The following RPGRIP1L variants were observed in gnomAD, a reference collection of about 807,000 sequenced individuals.
The protein encoded by RPGRIP1L is RPGRIP1 like.
In RPGRIP1L, 131 loss-of-function variants were observed where a neutral mutation model predicts 160.4. The observed-to-expected ratio is 0.82, with a 90% CI of 0.71 to 0.94. The LOEUF is 0.94. RPGRIP1L is among the 40% of genes least tolerant of loss of function. The pLI is 0.00. For missense variants in RPGRIP1L, 1,522 were observed against 1,535.8 expected (o/e 0.99, Z 0.15); for synonymous variants, 510 against 515.8 (o/e 0.99, Z 0.15).
chr16:53,652,783 T>C lies in RPGRIP1L; in HGVS notation c.1904A>G (p.Tyr635Cys), dbSNP rs770013793. ...CTGTAGTTCAAAATCATAGAAAGCA[T>C]AGGTACAGAAAGTGACAGGCTCTTT... Reference protein sequence around the residue: ...GDKEPVTFCTYAFYDFELQTT... With the variant: ...GDKEPVTFCTCAFYDFELQTT... The change falls in exon 15 of 27, where the codon TAT becomes TGT. Residue 635 changes from tyrosine to cysteine, a missense_variant. Tyr to Cys is a radical substitution (Grantham distance 194). Coordinates refer to ENST00000647211, the MANE Select transcript of RPGRIP1L (RefSeq NM_015272.5). The C allele has an allele frequency of 2.5e-5, 41 of 1,614,016 alleles. No individual in the cohort carries two copies. The highest frequency in any genetic ancestry group is 1.6e-4 in the Middle Eastern group (1 of 6,084).
Position 53,658,430 on chromosome 16 carries a change from G to A in RPGRIP1L, c.1385C>T (p.Ala462Val), listed in dbSNP as rs761080809. 1.2e-6 allele frequency: 2 copies of A among 1,611,270 alleles called. No individual in the cohort carries two copies. The highest frequency in any genetic ancestry group is 1.1e-5 in the South Asian group (1 of 90,988). Residue 462 changes from alanine to valine, a missense_variant, in exon 12 of 27, where the codon GCT becomes GTT. By Grantham distance (64) the Ala-to-Val change is moderately conservative. Coordinates refer to ENST00000647211, the MANE Select transcript of RPGRIP1L (RefSeq NM_015272.5). ...NDINADELSEALLLIKAQKEQ... is the reference protein window; with the variant it reads ...NDINADELSEVLLLIKAQKEQ... ...GAACCTTACCTTTATAAGTAGGAGA[G>A]CTTCACTCAATTCATCAGCATTAAT...
intron 9 of RPGRIP1L, among the ~76,000 whole-genome samples, chr16:53,670,860 T>C (rs1410357831): frequency 1.3e-5 from 2 of 152,116 alleles, no homozygotes; most frequent in Admixed American, 1.3e-4. Context: ...TTTCGGAGGC[T>C]GAGGCAGGAG....
In RPGRIP1L at chr16:53,602,036, A is replaced by T. The variant is rs369779812; in HGVS notation, c.*40T>A. The T allele has an allele frequency of 8.7e-7, 1 of 1,155,456 alleles. No individual in the cohort carries two copies. The allele number at this position is 1,155,456 out of a possible 1,614,324, so 71.6% of individuals were successfully genotyped here. On this transcript the variant is annotated 3_prime_UTR_variant, in exon 27 of 27. Transcript: ENST00000647211. ...CTCATGTAGGAACTTTCATGTGAGC[A>T]TTTACTGAGGAGTAGGAGATGCCTC...
intron 3 of RPGRIP1L, chr16:53,695,431 C>T (rs746012942): frequency 5.7e-6 from 4 of 702,934 alleles, no homozygotes; most frequent in South Asian, 4.4e-5. Flanking sequence ...TTTCATTCTT[C>T]AATGGTTGTC....
At chr16:53,678,135 T>A (rs1969325065) in intron 6 of RPGRIP1L, among the ~76,000 whole-genome samples, 2 of 148,936 alleles carry the variant, frequency 1.3e-5, no homozygotes, top group African/African-American at 2.4e-5. Context: ...CTTTTCTCTT[T>A]CCTTTTTTTT....
chr16:53,611,148 A>G (rs1018591711), intron 24 of RPGRIP1L, 97 bp from the exon 25 acceptor site: 19 of 874,416 alleles, frequency 2.2e-5, no homozygotes, highest in South Asian at 1.7e-4. Flanking sequence ...GTTTTTAAAG[A>G]CACAAGTCAT....
intron 2 of RPGRIP1L, among the ~76,000 whole-genome samples, chr16:53,697,631 C>T (rs9708361): frequency 0.048 from 7,282 of 152,294 alleles, 273 homozygotes; most frequent in African/African-American, 0.1. Context: ...CTGGAGGTGC[C>T]GGGATTGCAG....
chr16:53,636,438 C>T lies in RPGRIP1L; in HGVS notation c.3294+1G>A. 1.2e-6 allele frequency: 2 copies of T among 1,604,116 alleles called. No homozygotes were observed. Among genetic ancestry groups the T allele is most frequent in the Non-Finnish European group, 1.7e-6 (2 of 1,171,200 alleles). On this transcript the variant is annotated splice_donor_variant, in intron 22 of 26. Coordinates refer to ENST00000647211, the MANE Select transcript of RPGRIP1L (RefSeq NM_015272.5). LOFTEE classifies it high-confidence loss of function. ...TTTCTAGTTGGCATCAAGTTACTGACCTGTTTGATATTCTTGGAGATAGGA... is the reference window on the plus strand; with the variant it reads ...TTTCTAGTTGGCATCAAGTTACTGATCTGTTTGATATTCTTGGAGATAGGA...
At position 53,600,639 on chromosome 16, in the gene RPGRIP1L, T is replaced by C. The variant is rs1164263052; in HGVS notation, c.*1437A>G. 1 of 152,790 alleles carries C rather than the reference T, an allele frequency of 6.5e-6. No individual in the cohort carries two copies. The highest frequency in any genetic ancestry group is 2.1e-4 in the South Asian group (1 of 4,832). 9.5% of individuals were successfully genotyped at this position (152,790 alleles called of 1,614,324 possible). On this transcript the variant is annotated 3_prime_UTR_variant, in exon 27 of 27. Coordinates refer to ENST00000647211, the MANE Select transcript of RPGRIP1L (RefSeq NM_015272.5). ...ATTAGAGCACAGATGGTTCAAACTA[T>C]ATGCAGATATTCATACTTGCATTTT...
intron 10 of RPGRIP1L, among the ~76,000 whole-genome samples, chr16:53,664,447 C>T (rs1431056271): frequency 6.6e-6 from 1 of 152,168 alleles, no homozygotes. Flanking sequence ...TCACGTATTA[C>T]ATATTTATTT....
In RPGRIP1L at chr16:53,617,073, C is replaced by CA. The variant is rs397945611; in HGVS notation, c.3616+1951dup. 5.6e-3 allele frequency among the ~76,000 whole-genome samples: 123 copies of CA among 21,834 alleles called. 6 individuals carry two copies. Among genetic ancestry groups the CA allele is most frequent in the Admixed American group, 6.5e-3 (9 of 1,380 alleles). 14.3% of individuals were successfully genotyped at this position (21,834 alleles called of 152,430 possible). A position where few individuals can be genotyped will look rare whatever the true frequency, so the allele number is the denominator to read the frequency against. On this transcript the variant is annotated intron_variant, in intron 24 of 26. Coordinates refer to ENST00000647211, the MANE Select transcript of RPGRIP1L (RefSeq NM_015272.5). ...GGCAATAGCACCAGACCTTGCATCA[C>CA]AAAAAAAAAAAAAAAAAAAAAAAAA...
chr16:53,694,067 A>G (rs2151366165), intron 3 of RPGRIP1L: 1 of 152,266 alleles, frequency 6.6e-6, no homozygotes, highest in African/African-American at 2.4e-5. Context: ...CATACATTCC[A>G]TTTGCTGGAT....
intron 10 of RPGRIP1L, 37 bp from the exon 11 acceptor site, chr16:53,658,915 A>G: frequency 3.0e-6 from 4 of 1,321,932 alleles, no homozygotes; most frequent in Non-Finnish European, 4.3e-6. Context: ...AAAGGTAAGT[A>G]AAAATCAGGT....
chr16:53,620,770 A>T (rs1427713844), intron 23 of RPGRIP1L, among the ~76,000 whole-genome samples: 2 of 152,032 alleles, frequency 1.3e-5, no homozygotes, highest in African/African-American at 4.8e-5. Context: ...ATCTCACTTC[A>T]GAAAACCCCT....
intron 26 of RPGRIP1L, among the ~76,000 whole-genome samples, chr16:53,603,249 G>T (rs560669047): frequency 3.9e-5 from 6 of 152,246 alleles, no homozygotes; most frequent in Admixed American, 2.6e-4. Context: ...TGTGGACAAT[G>T]ATAATGGCTA....
At chr16:53,610,333 A>C (rs8052792) in intron 25 of RPGRIP1L, among the ~76,000 whole-genome samples, 18,083 of 152,182 alleles carry the variant, frequency 0.12, 2,182 homozygotes, top group African/African-American at 0.31. Context: ...AAAAATAATA[A>C]TGAAATGATG....
chr16:53,602,740 C>T (rs111763946), intron 26 of RPGRIP1L, among the ~76,000 whole-genome samples: 25,099 of 150,076 alleles, frequency 0.17, 2,170 homozygotes, highest in Middle Eastern at 0.24. Context: ...TGCCACTGCA[C>T]GCCAGCCTGA....
At chr16:53,698,382 C>T (rs1220086729) in intron 2 of RPGRIP1L, among the ~76,000 whole-genome samples, 5 of 144,038 alleles carry the variant, frequency 3.5e-5, no homozygotes, top group African/African-American at 8.2e-5. Flanking sequence ...GTCAGCCCCC[C>T]GCCCGGCCAG....
chr16:53,697,519 G>A (rs1029615454), intron 2 of RPGRIP1L, among the ~76,000 whole-genome samples: 10 of 151,378 alleles, frequency 6.6e-5, no homozygotes, highest in East Asian at 4.3e-4. Flanking sequence ...ACGCCGCCAC[G>A]CCTGGCTGGT....
Sources: allele counts gnomAD v4.1 joint callset (sites outside exome capture counted in the v4.1 genomes callset), GRCh38; gene constraint gnomAD v4.1.1; transcripts MANE v1.5; gene names NCBI Gene and HGNC (gene_info 2026-07-23, HGNC 2026-07-21).